Variants in SLC9A9 observed in about 807,000 individuals in gnomAD.
SLC9A9 encodes the protein sodium/hydrogen exchanger 9.
A neutral mutation model predicts 77.8 loss-of-function variants in SLC9A9; 62 were observed. That is an observed-to-expected ratio of 0.80 (90% CI 0.65 to 0.98). The LOEUF is 0.98. SLC9A9 is among the 50% of genes least tolerant of loss of function. The pLI, the probability that SLC9A9 is intolerant of heterozygous loss-of-function variation, is 0.00. For synonymous variants in SLC9A9, 320 were observed against 283.5 expected (o/e 1.13, Z -1.29); for missense variants, 775 against 774.9 (o/e 1.00, Z 0.00).
At chr3:143,710,098 A>C (rs568412305) in intron 4 of SLC9A9, among the ~76,000 whole-genome samples, 38 of 152,218 alleles carry the variant, frequency 2.5e-4, no homozygotes, top group Non-Finnish European at 1.8e-4. Flanking sequence ...TTGCTTTGGG[A>C]TGAATTGTAT....
intron 12 of SLC9A9, among the ~76,000 whole-genome samples, chr3:143,405,232 C>T (rs1227818961): frequency 6.6e-6 from 1 of 152,134 alleles, no homozygotes; most frequent in African/African-American, 2.4e-5. Context: ...TCATTGCTTG[C>T]CACTGAGATG....
chr3:143,753,802 A>G (rs1336800383), intron 4 of SLC9A9, among the ~76,000 whole-genome samples: 4 of 152,200 alleles, frequency 2.6e-5, no homozygotes, highest in African/African-American at 9.6e-5. Context: ...ATGCTAATAG[A>G]TGTAAGAGAA....
intron 4 of SLC9A9, among the ~76,000 whole-genome samples, chr3:143,725,337 A>G (rs961179798): frequency 3.3e-5 from 5 of 152,076 alleles, no homozygotes; most frequent in African/African-American, 4.8e-5. Context: ...GCGATTCCTC[A>G]GGGATCTAGA....
chr3:143,549,899 G>A (rs2036850776), intron 9 of SLC9A9, among the ~76,000 whole-genome samples: 1 of 152,202 alleles, frequency 6.6e-6, no homozygotes, highest in Admixed American at 6.5e-5. Context: ...CCTAGGGAAA[G>A]CTAGTAGTAT....
At chr3:143,394,006 G>A (rs1277500258) in intron 12 of SLC9A9, among the ~76,000 whole-genome samples, 21 of 151,958 alleles carry the variant, frequency 1.4e-4, no homozygotes, top group African/African-American at 1.9e-4. Context: ...ATTCACAGCC[G>A]AATTCTACCA....
At position 143,418,648 on chromosome 3, in the gene SLC9A9, T is replaced by A. The variant is rs1576484198; in HGVS notation, c.1470-36534A>T. ...AGCATGGAGAAGTGGCTGTGGTTGGTTTGTAAAGGATGCAGAAGGAATAAA... is the reference window on the plus strand; with the variant it reads ...AGCATGGAGAAGTGGCTGTGGTTGGATTGTAAAGGATGCAGAAGGAATAAA... On this transcript the variant is annotated intron_variant, in intron 12 of 15. Coordinates refer to ENST00000316549, the MANE Select transcript of SLC9A9 (RefSeq NM_173653.4). Among the ~76,000 whole-genome samples the A allele has an allele frequency of 3.3e-5, 5 of 151,944 alleles. No individual in the cohort carries two copies. In the South Asian group the frequency reaches 1.0e-3, roughly 31 times the overall value.
intron 6 of SLC9A9, among the ~76,000 whole-genome samples, chr3:143,590,454 T>C (rs1165349883): frequency 6.6e-6 from 1 of 152,256 alleles, no homozygotes. Context: ...ACTAGTGTAT[T>C]AGAACATTAT....
chr3:143,542,274 C>T (rs1476345033), intron 9 of SLC9A9, among the ~76,000 whole-genome samples: 1 of 152,082 alleles, frequency 6.6e-6, no homozygotes, highest in Non-Finnish European at 1.5e-5. Context: ...TTCAACCCTT[C>T]TAGGATGGTA....
At chr3:143,525,606 G>A (rs550914138) in intron 9 of SLC9A9, among the ~76,000 whole-genome samples, 18 of 152,142 alleles carry the variant, frequency 1.2e-4, no homozygotes, top group Non-Finnish European at 2.4e-4. Context: ...GCATTCAAAT[G>A]TCATCACAAC....
At chr3:143,493,539 T>C in intron 11 of SLC9A9, 114 bp downstream of exon 11, 2 of 862,382 alleles carry the variant, frequency 2.3e-6, no homozygotes, top group East Asian at 2.6e-5. Context: ...TTAGGTACAA[T>C]GGGATAAAGA....
intron 4 of SLC9A9, among the ~76,000 whole-genome samples, chr3:143,774,701 T>TAC (rs200109126): frequency 2.4e-4 from 20 of 84,308 alleles, no homozygotes; most frequent in African/African-American, 1.3e-3. Context: ...AAAGTTGAAC[T>TAC]ATACATTGTA....
At chr3:143,841,796 T>A (rs921294507) in intron 1 of SLC9A9, among the ~76,000 whole-genome samples, 3 of 48,914 alleles carry the variant, frequency 6.1e-5, no homozygotes, top group African/African-American at 1.7e-4. Context: ...TCCCGTCACC[T>A]AGGTTGGAGT....
At chr3:143,610,453 T>G (rs576634147) in intron 6 of SLC9A9, among the ~76,000 whole-genome samples, 17 of 152,232 alleles carry the variant, frequency 1.1e-4, no homozygotes, top group Non-Finnish European at 2.4e-4. Context: ...AGCCCACATT[T>G]CTATTCTTGA....
chr3:143,670,687 G>A (rs994204723), intron 5 of SLC9A9, among the ~76,000 whole-genome samples: 1 of 152,102 alleles, frequency 6.6e-6, no homozygotes. Context: ...CCCACCAGGT[G>A]GTACTCTGTG....
chr3:143,325,665 C>T (rs1047294616), intron 14 of SLC9A9, among the ~76,000 whole-genome samples: 2 of 152,230 alleles, frequency 1.3e-5, no homozygotes, highest in Non-Finnish European at 2.9e-5. Flanking sequence ...GCCAGTTCCA[C>T]AGGACATGTC....
intron 9 of SLC9A9, among the ~76,000 whole-genome samples, chr3:143,537,194 G>C (rs1196367028): frequency 6.6e-6 from 1 of 152,194 alleles, no homozygotes; most frequent in Non-Finnish European, 1.5e-5. Flanking sequence ...GAATCACTTA[G>C]GTAGAGTTTA....
At chr3:143,343,442 C>G (rs2032169264) in intron 14 of SLC9A9, 1 of 152,104 alleles carries the variant, frequency 6.6e-6, no homozygotes, top group Non-Finnish European at 1.5e-5. Context: ...TAACTTTCAA[C>G]AGCTAGGCAA....
At chr3:143,752,503 T>C (rs1041759326) in intron 4 of SLC9A9, among the ~76,000 whole-genome samples, 2 of 151,514 alleles carry the variant, frequency 1.3e-5, no homozygotes, top group East Asian at 3.9e-4. Context: ...TCAAGGGAGG[T>C]AAGGGTGAAC....
At chr3:143,524,227 T>C (rs1015681618) in intron 9 of SLC9A9, among the ~76,000 whole-genome samples, 6 of 146,464 alleles carry the variant, frequency 4.1e-5, no homozygotes, top group Admixed American at 4.1e-4. Context: ...GAAACAAATA[T>C]GGGGGTGGGG....
Sources: allele counts gnomAD v4.1 joint callset (sites outside exome capture counted in the v4.1 genomes callset), GRCh38; gene constraint gnomAD v4.1.1; transcripts MANE v1.5; gene names NCBI Gene and HGNC (gene_info 2026-07-23, HGNC 2026-07-21).